CDH13: variants seen among roughly 807,000 people sequenced by gnomAD.
CDH13 encodes cadherin-13.
Under a neutral mutation model 63.8 loss-of-function variants are expected in CDH13, and 24 were observed. That is an observed-to-expected ratio of 0.38 (90% CI 0.27 to 0.53). CDH13 has a LOEUF of 0.53. Among genes scored for constraint, CDH13 ranks in the 20% least tolerant of loss-of-function variants. The probability of loss-of-function intolerance (pLI) is 0.85; values close to 1 mark genes in which losing one functional copy is unlikely to be tolerated. For missense variants in CDH13, 1,049 were observed against 903.1 expected (o/e 1.16, Z -2.07); for synonymous variants, 503 against 355.3 (o/e 1.42, Z -4.67).
chr16:83,266,216 A>G (rs8059185), intron 5 of CDH13, among the ~76,000 whole-genome samples: 134,052 of 152,136 alleles, frequency 0.88, 59,256 homozygotes, highest in East Asian at 1. Flanking sequence ...GGGATTACAT[A>G]CAGAAGTCAC....
chr16:82,628,945 T>C lies in CDH13; in HGVS notation c.45+1808T>C, dbSNP rs564638104. On this transcript the variant is annotated intron_variant, in intron 1 of 13. Coordinates refer to ENST00000567109, the MANE Select transcript of CDH13 (RefSeq NM_001257.5). ...TCCTAGGACTGCTGAGTGGATAGGA[T>C]TGCATTCAACAGGATGTCCTATGCA... Among the ~76,000 whole-genome samples, 4 of 152,320 alleles carry C rather than the reference T, an allele frequency of 2.6e-5. No homozygotes were observed. In the East Asian group the frequency reaches 5.8e-4, roughly 22 times the overall value.
chr16:83,627,789 A>G (rs1229905751), intron 8 of CDH13, among the ~76,000 whole-genome samples: 1 of 152,196 alleles, frequency 6.6e-6, no homozygotes, highest in African/African-American at 2.4e-5. Context: ...AAGTCCGTAA[A>G]GTGAAAGCAA....
chr16:83,714,590 T>A lies in CDH13; in HGVS notation c.1539-33518T>A, dbSNP rs562972697. Among the ~76,000 whole-genome samples, 160 of 152,354 alleles carry A rather than the reference T, an allele frequency of 1.1e-3. 1 individual carries two copies. The highest frequency in any genetic ancestry group is 3.7e-3 in the African/African-American group (154 of 41,596). ...AAGACTTTTACCTATTGACTTGGAT[T>A]CTCAGCTATCAGTAGGAGGGACAGT... On this transcript the variant is annotated intron_variant, in intron 10 of 13. Transcript: ENST00000567109.
At chr16:83,156,848 A>G (rs945326449) in intron 4 of CDH13, among the ~76,000 whole-genome samples, 3 of 152,160 alleles carry the variant, frequency 2.0e-5, no homozygotes, top group Non-Finnish European at 4.4e-5. Context: ...CCATCAGTAG[A>G]TAGGCTCATC....
intron 11 of CDH13, among the ~76,000 whole-genome samples, chr16:83,775,707 C>T (rs575781176): frequency 4.6e-5 from 7 of 150,734 alleles, no homozygotes; most frequent in African/African-American, 1.2e-4. Context: ...CAGAGCGAGA[C>T]GCTCTGTCTC....
intron 1 of CDH13, among the ~76,000 whole-genome samples, chr16:82,818,647 C>G (rs1187869297): frequency 6.6e-6 from 1 of 152,074 alleles, no homozygotes; most frequent in Admixed American, 6.5e-5. Flanking sequence ...GCTCAAAAGG[C>G]CCACTGTACC....
intron 1 of CDH13, among the ~76,000 whole-genome samples, chr16:82,809,946 C>T (rs149175236): frequency 2.1e-4 from 32 of 152,274 alleles, no homozygotes; most frequent in South Asian, 4.1e-4. Context: ...GATACGTAGA[C>T]TTGCTTTTAA....
chr16:82,766,573 C>G (rs1438915091), intron 1 of CDH13, among the ~76,000 whole-genome samples: 1 of 152,210 alleles, frequency 6.6e-6, no homozygotes, highest in African/African-American at 2.4e-5. Context: ...TCTCCTGAGG[C>G]TCTTGTGAGG....
At chr16:82,693,515 C>G (rs1198993178) in intron 1 of CDH13, among the ~76,000 whole-genome samples, 1 of 152,156 alleles carries the variant, frequency 6.6e-6, no homozygotes, top group East Asian at 1.9e-4. Context: ...TAGTTACTCG[C>G]TCTCCCCTGT....
intron 5 of CDH13, among the ~76,000 whole-genome samples, chr16:83,220,096 A>G (rs910100807): frequency 7.2e-5 from 11 of 152,162 alleles, no homozygotes; most frequent in African/African-American, 1.7e-4. Flanking sequence ...GCACTCTTCA[A>G]TGGGCTCATG....
At chr16:82,778,802 A>G (rs1274713233) in intron 1 of CDH13, among the ~76,000 whole-genome samples, 2 of 152,160 alleles carry the variant, frequency 1.3e-5, no homozygotes, top group African/African-American at 4.8e-5. Flanking sequence ...CAGAAAAAAC[A>G]TGGCAAAGAC....
intron 3 of CDH13, among the ~76,000 whole-genome samples, chr16:83,051,192 A>T (rs902393790): frequency 6.6e-6 from 1 of 152,124 alleles, no homozygotes; most frequent in Non-Finnish European, 1.5e-5. Context: ...CCACAACGAA[A>T]TGAGTCCCAA....
intron 4 of CDH13, among the ~76,000 whole-genome samples, chr16:83,164,160 G>T (rs1253411518): frequency 6.6e-6 from 1 of 152,056 alleles, no homozygotes; most frequent in Non-Finnish European, 1.5e-5. Context: ...CTTAGTGCCA[G>T]CTTCAGTGGT....
intron 10 of CDH13, among the ~76,000 whole-genome samples, chr16:83,697,412 G>C (rs1483762060): frequency 6.6e-6 from 1 of 152,210 alleles, no homozygotes; most frequent in Admixed American, 6.5e-5. Flanking sequence ...GTGCTGTCCA[G>C]CGTCTCTGGG....
chr16:83,757,123 C>G (rs1913573751), intron 11 of CDH13, among the ~76,000 whole-genome samples: 1 of 152,152 alleles, frequency 6.6e-6, no homozygotes, highest in South Asian at 2.1e-4. Context: ...CAAAATATAA[C>G]CAGAAACACC....
intron 11 of CDH13, among the ~76,000 whole-genome samples, chr16:83,773,607 T>C (rs117674425): frequency 0.065 from 9,837 of 152,166 alleles, 448 homozygotes; most frequent in East Asian, 0.17. Flanking sequence ...GGGATTACAA[T>C]TGGAGATGAG....
At chr16:83,198,122 C>T (rs944309398) in intron 4 of CDH13, among the ~76,000 whole-genome samples, 3 of 152,076 alleles carry the variant, frequency 2.0e-5, no homozygotes, top group African/African-American at 7.2e-5. Context: ...CTACCTTTTA[C>T]TTTACTTTCT....
In CDH13 at chr16:83,767,284, C is replaced by T. The variant is rs531941825; in HGVS notation, c.1682-12684C>T. ...TTGAGTGGTAATAATCCCCAAGTGT[C>T]GAGGGTGGGGCCATCTAGAGTAATG... On this transcript the variant is annotated intron_variant, in intron 11 of 13. Transcript: ENST00000567109. Among the ~76,000 whole-genome samples, 7 of 151,978 alleles carry T rather than the reference C, an allele frequency of 4.6e-5. No homozygotes were observed. In the South Asian group the frequency reaches 1.3e-3, roughly 27 times the overall value.
chr16:82,729,788 A>T (rs775332176), intron 1 of CDH13, among the ~76,000 whole-genome samples: 7 of 152,180 alleles, frequency 4.6e-5, no homozygotes, highest in Admixed American at 1.3e-4. Flanking sequence ...TCCAGTATAA[A>T]GATGTTTTAT....
Sources: gnomAD v4.1 joint callset for allele counts (sites outside exome capture counted in the v4.1 genomes callset) on GRCh38, gnomAD v4.1.1 for gene constraint, MANE v1.5 for transcripts, NCBI Gene and HGNC (gene_info 2026-07-23, HGNC 2026-07-21) for gene names.